SHROOM3: variants seen among roughly 807,000 people sequenced by gnomAD.
SHROOM3 encodes protein Shroom3.
A neutral mutation model predicts 138.6 loss-of-function variants in SHROOM3; 47 were observed. That is an observed-to-expected ratio of 0.34 (90% CI 0.27 to 0.43). The LOEUF (loss-of-function observed/expected upper bound fraction) is 0.43. SHROOM3 is among the 20% of genes least tolerant of loss of function. The probability of loss-of-function intolerance (pLI) is 1.00; values close to 1 mark genes in which losing one functional copy is unlikely to be tolerated. For missense variants in SHROOM3, 2,491 were observed against 2,596.5 expected (o/e 0.96, Z 0.88); for synonymous variants, 1,062 against 1,063.3 (o/e 1.00, Z 0.02).
intron 1 of SHROOM3, among the ~76,000 whole-genome samples, chr4:76,535,271 G>A (rs1201812720): frequency 2.0e-5 from 3 of 152,148 alleles, no homozygotes; most frequent in Non-Finnish European, 2.9e-5. Flanking sequence ...ATGAAGAAAA[G>A]TACCATTCCC....
chr4:76,680,706 A>T (rs1194810130), intron 2 of SHROOM3, among the ~76,000 whole-genome samples: 1 of 152,194 alleles, frequency 6.6e-6, no homozygotes. Flanking sequence ...ATTCAGATTC[A>T]ATGTTTAGCT....
At chr4:76,700,035 TGGCCTCGTGTCCACTC>T (rs1229416418) in intron 2 of SHROOM3, among the ~76,000 whole-genome samples, 1 of 152,204 alleles carries the variant, frequency 6.6e-6, no homozygotes, top group Non-Finnish European at 1.5e-5. Context: ...ATCAGGAAGC[TGGCCTCGTGTCCACTC>T]GGCATATTTT....
At chr4:76,522,282 C>T (rs1251251961) in intron 1 of SHROOM3, among the ~76,000 whole-genome samples, 1 of 146,912 alleles carries the variant, frequency 6.8e-6, no homozygotes, top group Non-Finnish European at 1.5e-5. Flanking sequence ...ATATTATATA[C>T]TAATAAATAT....
intron 2 of SHROOM3, among the ~76,000 whole-genome samples, chr4:76,695,558 A>C (rs1719701901): frequency 6.6e-6 from 1 of 152,212 alleles, no homozygotes; most frequent in Non-Finnish European, 1.5e-5. Context: ...CTAAAACTTA[A>C]ATAAAAATAA....
At chr4:76,731,216 T>C (rs1720870856) in intron 4 of SHROOM3, among the ~76,000 whole-genome samples, 1 of 152,204 alleles carries the variant, frequency 6.6e-6, no homozygotes, top group Non-Finnish European at 1.5e-5. Context: ...ATTTCTCCAC[T>C]GATAGCACTA....
At position 76,740,012 on chromosome 4, in the gene SHROOM3, G is replaced by T. The variant is rs61741120; in HGVS notation, c.1839G>T (p.Ala613=). The stretch of plus-strand genomic sequence containing the variant: ...GCCCTCAGGCTCAGGCCTGGCAAGC[G>T]GGTGAAGACAAGAGATCTTCCAGGC... ...LKCPQAQAWQ[A]GEDKRSSRLS... is the part of the protein sequence containing the mutation. The change falls in exon 5 of 11, where the codon GCG becomes GCT. Residue 613 remains alanine, a synonymous_variant. Transcript: ENST00000296043. This position sits in a 1 kb window ranked among gnomAD's most constrained non-coding sequence, Gnocchi z 4.0. The T allele has an allele frequency of 4.3e-6, 7 of 1,613,846 alleles. No homozygotes were observed. In the East Asian group the frequency reaches 1.6e-4, roughly 36 times the overall value.
chr4:76,542,872 T>A (rs1733135598), intron 1 of SHROOM3, among the ~76,000 whole-genome samples: 1 of 152,226 alleles, frequency 6.6e-6, no homozygotes, highest in Admixed American at 6.5e-5. Context: ...TACAGAGCTG[T>A]GCCTTGCTCC....
intron 1 of SHROOM3, among the ~76,000 whole-genome samples, chr4:76,471,092 C>T (rs1277193832): frequency 6.6e-6 from 1 of 152,060 alleles, no homozygotes; most frequent in Non-Finnish European, 1.5e-5. Context: ...TAAAACCTCA[C>T]TTATTTTCAT....
At chr4:76,656,113 G>A (rs1020432759) in intron 2 of SHROOM3, among the ~76,000 whole-genome samples, 1 of 152,144 alleles carries the variant, frequency 6.6e-6, no homozygotes, top group Non-Finnish European at 1.5e-5. Context: ...GAGCTGGCAG[G>A]GAGTTCCTCA....
chr4:76,710,861 C>A (rs1030077447), intron 3 of SHROOM3, among the ~76,000 whole-genome samples: 3 of 152,146 alleles, frequency 2.0e-5, no homozygotes, highest in African/African-American at 7.2e-5. Context: ...AATTCTCACA[C>A]CAGCCCTGTG....
intron 2 of SHROOM3, among the ~76,000 whole-genome samples, chr4:76,567,346 C>G (rs1733746347): frequency 6.6e-6 from 1 of 152,038 alleles, no homozygotes; most frequent in Middle Eastern, 3.2e-3. Flanking sequence ...ACCAGCCTGG[C>G]CAACATGGTG....
At chr4:76,676,217 G>T (rs1183274228) in intron 2 of SHROOM3, among the ~76,000 whole-genome samples, 1 of 152,150 alleles carries the variant, frequency 6.6e-6, no homozygotes, top group Non-Finnish European at 1.5e-5. Context: ...ACTGGGAAAA[G>T]ATCTTGGAAG....
At chr4:76,484,566 T>C (rs6532417) in intron 1 of SHROOM3, among the ~76,000 whole-genome samples, 1 of 151,514 alleles carries the variant, frequency 6.6e-6, no homozygotes, top group Non-Finnish European at 1.5e-5. Flanking sequence ...CTGAGACCCT[T>C]ACTCTAAAAC....
At chr4:76,465,849 A>G (rs1420499168) in intron 1 of SHROOM3, among the ~76,000 whole-genome samples, 1 of 152,230 alleles carries the variant, frequency 6.6e-6, no homozygotes, top group African/African-American at 2.4e-5. Flanking sequence ...ATAACTGAAA[A>G]TGCTTTTTGA....
At position 76,591,841 on chromosome 4, in the gene SHROOM3, C is replaced by T. The variant is rs528887721; in HGVS notation, c.323+36078C>T. 5.3e-5 allele frequency among the ~76,000 whole-genome samples: 8 copies of T among 152,286 alleles called. No individual in the cohort carries two copies. In the South Asian group the frequency reaches 1.5e-3, roughly 28 times the overall value. On this transcript the variant is annotated intron_variant, in intron 2 of 10. Transcript: ENST00000296043. ...ATAACCACCACATATTTAGGAAGTG[C>T]CTACCATGTATCAGCTGGGTTTCTA...
At chr4:76,495,192 C>T (rs1010818706) in intron 1 of SHROOM3, among the ~76,000 whole-genome samples, 1 of 152,208 alleles carries the variant, frequency 6.6e-6, no homozygotes, top group Non-Finnish European at 1.5e-5. Flanking sequence ...AGATTGTAAG[C>T]GTGGACACTG....
At chr4:76,574,826 G>A (rs1300740486) in intron 2 of SHROOM3, among the ~76,000 whole-genome samples, 1 of 152,134 alleles carries the variant, frequency 6.6e-6, no homozygotes, top group African/African-American at 2.4e-5. Context: ...TTGGGGGAGG[G>A]GAGATTAGGG....
At chr4:76,703,661 G>A (rs2110114052) in intron 2 of SHROOM3, among the ~76,000 whole-genome samples, 1 of 152,258 alleles carries the variant, frequency 6.6e-6, no homozygotes, top group East Asian at 1.9e-4. Flanking sequence ...CAGGAGAAGG[G>A]GGATGACAGG....
intron 1 of SHROOM3, among the ~76,000 whole-genome samples, chr4:76,477,188 C>T (rs7442007): frequency 0.099 from 14,983 of 152,044 alleles, 842 homozygotes; most frequent in South Asian, 0.18. Context: ...AGGATGGTCT[C>T]GATCTTCTGA....
Sources: gnomAD v4.1 joint callset for allele counts (sites outside exome capture counted in the v4.1 genomes callset) on GRCh38, gnomAD v4.1.1 for gene constraint, Gnocchi (gnomAD v3.1) non-coding constraint, MANE v1.5 for transcripts, NCBI Gene and HGNC (gene_info 2026-07-23, HGNC 2026-07-21) for gene names.